The following ANXA2 variants were observed in gnomAD, a reference collection of about 807,000 sequenced individuals.
The protein encoded by ANXA2 is annexin II.
In ANXA2, 28 loss-of-function variants were observed where a neutral mutation model predicts 47.3. The observed-to-expected ratio is 0.59, with a 90% CI of 0.44 to 0.81. The LOEUF (loss-of-function observed/expected upper bound fraction) is 0.81, where lower values mean the gene tolerates loss of function less well. ANXA2 is among the 40% of genes least tolerant of loss of function. The pLI is 0.00. For synonymous variants in ANXA2, 172 were observed against 155.5 expected, an observed-to-expected ratio of 1.11 and a Z score of -0.79; for missense variants, 384 against 414.3, an observed-to-expected ratio of 0.93 and a Z score of 0.64.
At chr15:60,367,006 A>C (rs866086580) in intron 3 of ANXA2, among the ~76,000 whole-genome samples, 95 of 33,596 alleles carry the variant, frequency 2.8e-3, no homozygotes, top group Admixed American at 4.6e-3. Context: ...CCAGCCGCCC[A>C]GTCCGGGAGG....
chr15:60,359,867 G>A (rs946053699), intron 5 of ANXA2, among the ~76,000 whole-genome samples: 1 of 152,228 alleles, frequency 6.6e-6, no homozygotes, highest in Non-Finnish European at 1.5e-5. Flanking sequence ...GGCAGTGTCG[G>A]ACTGTTCAAA....
intron 7 of ANXA2, chr15:60,355,461 T>G (rs1032552232): frequency 2.7e-5 from 7 of 254,580 alleles, no homozygotes; most frequent in African/African-American, 1.4e-4. Flanking sequence ...CCTTCCTCCA[T>G]GTTAATGTGT....
chr15:60,351,502 C>T (rs1428681937), intron 10 of ANXA2: 1 of 616,194 alleles, frequency 1.6e-6, no homozygotes, highest in Non-Finnish European at 2.9e-6. Flanking sequence ...ACACACCCCT[C>T]TCTCCTCCTG....
chr15:60,363,108 C>CGTAT (rs1455252320), intron 4 of ANXA2: 1 of 148,166 alleles, frequency 6.7e-6, no homozygotes, highest in East Asian at 2.0e-4. Context: ...ATTCCAAGAC[C>CGTAT]ATACTCTGTG....
intron 3 of ANXA2, among the ~76,000 whole-genome samples, chr15:60,379,264 C>T (rs576181858): frequency 5.9e-5 from 9 of 151,658 alleles, no homozygotes; most frequent in South Asian, 2.1e-4. Context: ...GGTGACACAG[C>T]GAAACTCCAT....
intron 1 of ANXA2, 87 bp downstream of exon 1, chr15:60,397,856 C>A (rs1308431581): frequency 7.2e-7 from 1 of 1,387,590 alleles, no homozygotes; most frequent in Non-Finnish European, 9.3e-7. Context: ...CCGGGGCCTC[C>A]CTGCCAGGCC....
rs1209774579 is a variant in ANXA2, at chr15:60,347,470, G to C, written c.*160C>G. 24 of 648,628 alleles carry C rather than the reference G, an allele frequency of 3.7e-5. No individual in the cohort carries two copies. In the East Asian group the frequency reaches 6.2e-4, roughly 17 times the overall value. 40.2% of individuals were successfully genotyped at this position (648,628 alleles called of 1,614,324 possible). A position where few individuals can be genotyped will look rare whatever the true frequency, so the allele number is the denominator to read the frequency against. On this transcript the variant is annotated 3_prime_UTR_variant, in exon 13 of 13. Coordinates refer to ENST00000451270, the MANE Select transcript of ANXA2 (RefSeq NM_004039.3). ...CTTACAGGAGAGACTAGACAGGAAG[G>C]CCAGGCAATGCTTAGGCAACTAAAA...
intron 3 of ANXA2, among the ~76,000 whole-genome samples, chr15:60,369,491 G>A (rs1157792717): frequency 6.6e-6 from 1 of 152,176 alleles, no homozygotes; most frequent in Admixed American, 6.5e-5. Context: ...CCTAGGGGCC[G>A]CTGGCCTGAA....
intron 3 of ANXA2, among the ~76,000 whole-genome samples, chr15:60,378,474 C>G (rs965944455): frequency 6.6e-6 from 1 of 152,098 alleles, no homozygotes; most frequent in African/African-American, 2.4e-5. Context: ...GACATACTTC[C>G]CAACTAAAAG....
intron 5 of ANXA2, among the ~76,000 whole-genome samples, chr15:60,358,557 A>C (rs573873141): frequency 6.6e-6 from 1 of 152,230 alleles, no homozygotes; most frequent in Admixed American, 6.5e-5. Flanking sequence ...TGTATAATAT[A>C]AGCTAAGCCT....
chr15:60,361,725 T>C (rs1469689662), intron 4 of ANXA2, among the ~76,000 whole-genome samples: 1 of 152,078 alleles, frequency 6.6e-6, no homozygotes, highest in Non-Finnish European at 1.5e-5. Flanking sequence ...TGTAATTTCT[T>C]AAGGGTTGGA....
intron 4 of ANXA2, chr15:60,361,509 C>T (rs900618457): frequency 6.2e-6 from 1 of 162,164 alleles, no homozygotes; most frequent in African/African-American, 2.4e-5. Context: ...TGGGGGCAGC[C>T]ATTCCAGCGG....
chr15:60,384,387 T>C (rs978287524), intron 2 of ANXA2: 1 of 152,206 alleles, frequency 6.6e-6, no homozygotes, highest in Non-Finnish European at 1.5e-5. Flanking sequence ...AAATCGAGAA[T>C]TGAACCTATT....
chr15:60,393,697 C>A (rs1417625563), intron 1 of ANXA2: 2 of 984,910 alleles, frequency 2.0e-6, no homozygotes, highest in Admixed American at 6.1e-5. Flanking sequence ...TTCTCACACA[C>A]CCCTCCTTGC....
At chr15:60,374,054 T>A (rs2062744937) in intron 3 of ANXA2, among the ~76,000 whole-genome samples, 1 of 152,202 alleles carries the variant, frequency 6.6e-6, no homozygotes, top group South Asian at 2.1e-4. Context: ...GCACACAGTC[T>A]CAACTCGGGG....
At chr15:60,368,625 G>A (rs2062671146) in intron 3 of ANXA2, among the ~76,000 whole-genome samples, 2 of 151,236 alleles carry the variant, frequency 1.3e-5, no homozygotes, top group South Asian at 2.1e-4. Context: ...TGTAAAATGT[G>A]TATGCACGTA....
chr15:60,356,451 A>T (rs2062431709), intron 6 of ANXA2, among the ~76,000 whole-genome samples: 1 of 152,210 alleles, frequency 6.6e-6, no homozygotes, highest in Non-Finnish European at 1.5e-5. Context: ...AGTATATTTC[A>T]ATATTCAAAA....
chr15:60,392,579 C>T (rs192745502), intron 1 of ANXA2, among the ~76,000 whole-genome samples: 35 of 152,322 alleles, frequency 2.3e-4, no homozygotes, highest in Admixed American at 2.2e-3. Flanking sequence ...AAAGTCAACA[C>T]TTCAAATAGT....
intron 1 of ANXA2, among the ~76,000 whole-genome samples, chr15:60,392,645 A>G (rs562659870): frequency 6.6e-6 from 1 of 152,370 alleles, no homozygotes; most frequent in East Asian, 1.9e-4. Flanking sequence ...CCCAAATGTT[A>G]ATCTGAACAA....
Sources: gnomAD v4.1 joint callset for allele counts (sites outside exome capture counted in the v4.1 genomes callset) on GRCh38, gnomAD v4.1.1 for gene constraint, MANE v1.5 for transcripts, NCBI Gene and HGNC (gene_info 2026-07-23, HGNC 2026-07-21) for gene names.